The following WDR27 variants were observed in gnomAD, a reference collection of about 807,000 sequenced individuals.
The protein encoded by WDR27 is WD repeat-containing protein 27.
Under a neutral mutation model 114.4 loss-of-function variants are expected in WDR27, and 100 were observed. The ratio of observed to expected loss-of-function variants is 0.87; its 90% confidence interval spans 0.74 to 1.03. The LOEUF is 1.03. Ranked by LOEUF, WDR27 falls within the 50% of genes least tolerant of loss-of-function variation. The pLI is 0.00. For synonymous variants in WDR27, 449 were observed against 423.1 expected (o/e 1.06, Z -0.75); for missense variants, 1,129 against 1,092.9 (o/e 1.03, Z -0.47).
intron 4 of WDR27, 156 bp downstream of exon 4, chr6:169,670,413 A>G (rs1441048694): frequency 1.1e-5 from 8 of 727,584 alleles, no homozygotes; most frequent in Non-Finnish European, 1.7e-5. Context: ...ATTGCAAGAT[A>G]AAGATATGAT....
chr6:169,466,689 T>A (rs1365587987), intron 25 of WDR27, among the ~76,000 whole-genome samples: 1 of 152,198 alleles, frequency 6.6e-6, no homozygotes, highest in Middle Eastern at 3.4e-3. Context: ...ACCAGGTCTC[T>A]CCCTAGACAC....
At chr6:169,485,011 A>C (rs1216118788) in intron 25 of WDR27, among the ~76,000 whole-genome samples, 1 of 152,226 alleles carries the variant, frequency 6.6e-6, no homozygotes, top group African/African-American at 2.4e-5. Context: ...GCCATATACA[A>C]ACATAAACTC....
chr6:169,522,552 C>A (rs1289789779), intron 25 of WDR27, among the ~76,000 whole-genome samples: 1 of 151,922 alleles, frequency 6.6e-6, no homozygotes, highest in African/African-American at 2.4e-5. Context: ...TTCTACAGAA[C>A]AGATCATATC....
Position 169,551,750 on chromosome 6 carries a change from AAAAAAG to A in WDR27, c.2645+20663_2645+20668del, listed in dbSNP as rs1290235617. Reference sequence around the variant, plus strand: ...GAGACTCCATCTCAAAAAAAAAAAAAAAAAAGAAAAAGAAAAGAAAAGAAAAAACGT... The same window carrying A: ...GAGACTCCATCTCAAAAAAAAAAAAAAAAAAGAAAAGAAAAGAAAAAACGT... On this transcript the variant is annotated intron_variant, in intron 25 of 25. Transcript: ENST00000448612. Among the ~76,000 whole-genome samples, 1,145 of 143,972 alleles carry A rather than the reference AAAAAAG, an allele frequency of 8.0e-3. 18 individuals carry two copies. The highest frequency in any genetic ancestry group is 0.025 in the African/African-American group (997 of 40,136). The allele number at this position is 143,972 out of a possible 152,430, so 94.5% of individuals were successfully genotyped here. A position where few individuals can be genotyped will look rare whatever the true frequency, so the allele number is the denominator to read the frequency against.
At chr6:169,439,159 G>C in the WDR27 span, among the ~76,000 whole-genome samples, 1 of 152,158 alleles carries the variant, frequency 6.6e-6, no homozygotes, top group Non-Finnish European at 1.5e-5. Context: ...TAAAGGCACT[G>C]TCAAATAATA....
At chr6:169,688,783 C>A in intron 2 of WDR27, 34 bp downstream of exon 2, 1 of 1,539,338 alleles carries the variant, frequency 6.5e-7, no homozygotes, top group East Asian at 2.3e-5. Flanking sequence ...AGGGCAAGGC[C>A]TTCATGACAC....
Position 169,457,250 on chromosome 6 carries a change from T to C in WDR27, c.*342A>G, listed in dbSNP as rs1784396582. ...TTTATTTTCACTGCCCAAAAGAAATTCTCTCTTTTTTCTTCCAACTCTAAT... is the reference window on the plus strand; with the variant it reads ...TTTATTTTCACTGCCCAAAAGAAATCCTCTCTTTTTTCTTCCAACTCTAAT... On this transcript the variant is annotated 3_prime_UTR_variant, in exon 26 of 26. Transcript: ENST00000448612. The C allele has an allele frequency of 5.0e-6, 1 of 200,562 alleles. No individual in the cohort carries two copies. Among genetic ancestry groups the C allele is most frequent in the Non-Finnish European group, 1.0e-5 (1 of 98,738 alleles). 12.4% of individuals were successfully genotyped at this position (200,562 alleles called of 1,614,324 possible).
chr6:169,658,146 G>A (rs1421287727), intron 13 of WDR27, 130 bp downstream of exon 13: 26 of 741,610 alleles, frequency 3.5e-5, no homozygotes, highest in Middle Eastern at 2.4e-4. Flanking sequence ...AGACATGAAG[G>A]ACAGAAGGAT....
At chr6:169,475,358 G>C (rs1286365846) in intron 25 of WDR27, among the ~76,000 whole-genome samples, 1 of 152,154 alleles carries the variant, frequency 6.6e-6, no homozygotes, top group East Asian at 1.9e-4. Context: ...AAGTAGTGGG[G>C]ATTACAGGCA....
At chr6:169,504,741 T>G (rs1194119920) in intron 25 of WDR27, among the ~76,000 whole-genome samples, 1 of 152,106 alleles carries the variant, frequency 6.6e-6, no homozygotes, top group African/African-American at 2.4e-5. Context: ...AAAAGCCTCC[T>G]GAGTAGCTGG....
At chr6:169,441,515 G>T in the WDR27 span, among the ~76,000 whole-genome samples, 1 of 151,682 alleles carries the variant, frequency 6.6e-6, no homozygotes, top group East Asian at 1.9e-4. Flanking sequence ...ACTTGCCCAG[G>T]GACACTATCA....
chr6:169,499,185 AAAC>A (rs1790788032), intron 25 of WDR27, among the ~76,000 whole-genome samples: 1 of 152,240 alleles, frequency 6.6e-6, no homozygotes, highest in African/African-American at 2.4e-5. Context: ...TCAGTAATTT[AAAC>A]TTCAAATCCA....
chr6:169,598,967 T>C (rs898168944), intron 23 of WDR27, among the ~76,000 whole-genome samples: 8 of 152,232 alleles, frequency 5.3e-5, no homozygotes, highest in African/African-American at 1.9e-4. Flanking sequence ...AAATAAAATA[T>C]AAAAACTGTT....
the WDR27 span, among the ~76,000 whole-genome samples, chr6:169,428,014 C>T: frequency 7.9e-5 from 12 of 152,112 alleles, no homozygotes; most frequent in Admixed American, 2.6e-4. Flanking sequence ...AAGAAAGCGG[C>T]GTCGACATTT....
intron 7 of WDR27, chr6:169,665,248 C>G (rs1827505500): frequency 7.8e-7 from 1 of 1,281,578 alleles, no homozygotes. Flanking sequence ...CACTCCAGAA[C>G]CACGCATGGA....
rs1237769865 is a variant in WDR27, at chr6:169,633,016, G to C, written c.2154C>G (p.Asn718Lys). 3.1e-6 allele frequency: 5 copies of C among 1,598,560 alleles called. No homozygotes were observed. The East Asian group carries it at 1.1e-4, about 36-fold the overall frequency. ...CTATCACCGCTGCACTGCAGCCGGC[G>C]TTGAGGTCAAACACTTCCACGGTCC... ...RNRTVEVFDL[N>K]AGCSAAVIAE... is the part of the protein sequence containing the mutation. Residue 718 changes from asparagine (N) to lysine (K), a missense_variant, in exon 21 of 26, where the codon AAC (asparagine) becomes AAG (lysine). Coordinates refer to ENST00000448612, the MANE Select transcript of WDR27 (RefSeq NM_182552.5).
At chr6:169,699,775 A>C (rs1023099660) in intron 1 of WDR27, among the ~76,000 whole-genome samples, 11 of 152,108 alleles carry the variant, frequency 7.2e-5, no homozygotes, top group Non-Finnish European at 1.6e-4. Context: ...TGAGCCCAGG[A>C]GTTCAAGACC....
At chr6:169,675,219 C>A (rs1452672194) in intron 2 of WDR27, among the ~76,000 whole-genome samples, 1 of 152,038 alleles carries the variant, frequency 6.6e-6, no homozygotes, top group Admixed American at 6.6e-5. Flanking sequence ...GGGGCAGATC[C>A]CTCATGGCAT....
At chr6:169,596,742 C>T (rs1436498083) in intron 23 of WDR27, among the ~76,000 whole-genome samples, 1 of 152,022 alleles carries the variant, frequency 6.6e-6, no homozygotes, top group African/African-American at 2.4e-5. Context: ...TTAAGACACA[C>T]ATAAGATCTT....
Sources: allele counts gnomAD v4.1 joint callset (sites outside exome capture counted in the v4.1 genomes callset), GRCh38; gene constraint gnomAD v4.1.1; transcripts MANE v1.5; gene names NCBI Gene and HGNC (gene_info 2026-07-23, HGNC 2026-07-21).